Variants in CAMTA1 observed in about 807,000 individuals in gnomAD.
CAMTA1 encodes the protein calmodulin-binding transcription activator 1.
A neutral mutation model predicts 170.9 loss-of-function variants in CAMTA1; 27 were observed. That is an observed-to-expected ratio of 0.16 (90% CI 0.12 to 0.22). The LOEUF is 0.22. CAMTA1 is among the 10% of genes least tolerant of loss of function. The probability of loss-of-function intolerance (pLI) is 1.00; values close to 1 mark genes in which losing one functional copy is unlikely to be tolerated. For synonymous variants in CAMTA1, 833 were observed against 891.5 expected (o/e 0.93, Z 1.17); for missense variants, 1,619 against 2,217.2 (o/e 0.73, Z 5.42).
chr1:7,448,688 G>A (rs1412423461), intron 5 of CAMTA1, among the ~76,000 whole-genome samples: 1 of 152,198 alleles, frequency 6.6e-6, no homozygotes, highest in Non-Finnish European at 1.5e-5. Context: ...CCTTCTTGCT[G>A]CGTCCTTACG....
intron 3 of CAMTA1, among the ~76,000 whole-genome samples, chr1:6,938,055 C>T (rs925157630): frequency 3.3e-5 from 5 of 152,214 alleles, no homozygotes; most frequent in East Asian, 1.9e-4. Context: ...CGGTAAGTAA[C>T]AGAACTAGGA....
chr1:7,718,704 C>T (rs2096629693), intron 11 of CAMTA1, among the ~76,000 whole-genome samples: 3 of 151,748 alleles, frequency 2.0e-5, no homozygotes, highest in Admixed American at 2.0e-4. Context: ...AATACGGGCA[C>T]ATGCTACCAT....
intron 11 of CAMTA1, among the ~76,000 whole-genome samples, chr1:7,720,020 A>G (rs1577170648): frequency 1.3e-5 from 2 of 152,350 alleles, no homozygotes; most frequent in South Asian, 4.1e-4. Context: ...TCATTCACTT[A>G]CCTGCCAAGG....
chr1:7,373,622 C>T (rs1330210658), intron 5 of CAMTA1, among the ~76,000 whole-genome samples: 2 of 152,230 alleles, frequency 1.3e-5, no homozygotes, highest in African/African-American at 2.4e-5. Flanking sequence ...CACCTGCTTC[C>T]AGACAACTTT....
At chr1:7,495,101 T>G (rs1369540460) in intron 6 of CAMTA1, among the ~76,000 whole-genome samples, 1 of 151,004 alleles carries the variant, frequency 6.6e-6, no homozygotes, top group Non-Finnish European at 1.5e-5. Flanking sequence ...CCTCTCAAAC[T>G]CAGGCTCTTG....
At chr1:7,648,911 G>A (rs778506254) in intron 7 of CAMTA1, among the ~76,000 whole-genome samples, 7 of 152,216 alleles carry the variant, frequency 4.6e-5, no homozygotes, top group Non-Finnish European at 2.9e-5. Context: ...AGCCTCTGGC[G>A]AGAGGCCAGC....
At chr1:7,558,982 C>T (rs931738835) in intron 6 of CAMTA1, among the ~76,000 whole-genome samples, 1 of 152,216 alleles carries the variant, frequency 6.6e-6, no homozygotes, top group Non-Finnish European at 1.5e-5. Flanking sequence ...CCCCGTCCCC[C>T]CTGCCTGAAG....
intron 4 of CAMTA1, among the ~76,000 whole-genome samples, chr1:7,187,864 T>C (rs1653711453): frequency 6.6e-6 from 1 of 152,188 alleles, no homozygotes; most frequent in Non-Finnish European, 1.5e-5. Context: ...TGGAGACAGC[T>C]CTTTTGATGC....
chr1:7,655,287 CACACACACCTATACACACACACCGTTAT>C (rs1172917396), intron 7 of CAMTA1, among the ~76,000 whole-genome samples: 79 of 145,994 alleles, frequency 5.4e-4, no homozygotes, highest in Middle Eastern at 3.9e-3. Flanking sequence ...CCGTTATACA[CACACACACCTATACACACACACCGTTAT>C]ACACACCTAT....
In CAMTA1 at chr1:7,680,872, A is replaced by AGCAGCTGCAGCAGCAGCTGCT. The variant is rs1553247155; in HGVS notation, c.2914+3144_2914+3145insTGCAGCAGCAGCTGCTGCAGC. 6.8e-6 allele frequency among the ~76,000 whole-genome samples: 1 copy of AGCAGCTGCAGCAGCAGCTGCT among 146,262 alleles called. No homozygotes were observed. The highest frequency in any genetic ancestry group is 1.5e-5 in the Non-Finnish European group (1 of 65,774). On this transcript the variant is annotated intron_variant, in intron 11 of 22. Transcript: ENST00000303635. The surrounding 1 kb of genome is among the most constrained non-coding windows in gnomAD (Gnocchi z 4.4). ...CGCGCGCGCGCGCGCCAGCAGCAGC[A>AGCAGCTGCAGCAGCAGCTGCT]GCAGCAGCAGCTGCTGCGGCGAAGT...
chr1:7,712,895 A>G (rs1223946233), intron 11 of CAMTA1, among the ~76,000 whole-genome samples: 4 of 152,192 alleles, frequency 2.6e-5, no homozygotes, highest in Admixed American at 6.5e-5. Flanking sequence ...ATTGCCCTTT[A>G]TAAAACCATC....
rs559963536 is a variant in CAMTA1 at position 6,895,378 on chromosome 1, C to T, written c.234+70168C>T. The stretch of plus-strand genomic sequence containing the variant: ...TCTTTGCACATCTCTGCTAGTACCA[C>T]CCTAGTCCAAGCCACCTTCTTTTCT... On this transcript the variant is annotated intron_variant, in intron 3 of 22. Coordinates refer to ENST00000303635, the MANE Select transcript of CAMTA1 (RefSeq NM_015215.4). Among the ~76,000 whole-genome samples the T allele has an allele frequency of 3.3e-5, 5 of 152,324 alleles. No homozygotes were observed. The South Asian group carries it at 1.0e-3, about 32-fold the overall frequency.
At chr1:7,257,072 A>G (rs1189718726) in intron 5 of CAMTA1, among the ~76,000 whole-genome samples, 2 of 84,150 alleles carry the variant, frequency 2.4e-5, no homozygotes, top group Non-Finnish European at 5.6e-5. Context: ...ATACCATCGC[A>G]TGGCGGGGGC....
intron 3 of CAMTA1, among the ~76,000 whole-genome samples, chr1:7,034,409 C>T (rs1223482957): frequency 1.3e-5 from 2 of 152,318 alleles, no homozygotes; most frequent in East Asian, 3.9e-4. Flanking sequence ...CCGCCTCGGC[C>T]TCCCAAAGTG....
In CAMTA1 at chr1:7,064,978, G is replaced by T. The variant is rs1327800615; in HGVS notation, c.235-26326G>T. On this transcript the variant is annotated intron_variant, in intron 3 of 22. Transcript: ENST00000303635. The surrounding 1 kb of genome is among the most constrained non-coding windows in gnomAD (Gnocchi z 5.4). ...AACCAACAGAGTTTGTAGGTTTTCAGCTTCAGTACCTAGGTCACCAGCAGT... is the reference window on the plus strand; with the variant it reads ...AACCAACAGAGTTTGTAGGTTTTCATCTTCAGTACCTAGGTCACCAGCAGT... 6.6e-6 allele frequency among the ~76,000 whole-genome samples: 1 copy of T among 152,176 alleles called. No individual in the cohort carries two copies.
intron 3 of CAMTA1, among the ~76,000 whole-genome samples, chr1:6,872,693 A>G (rs1668736389): frequency 6.6e-6 from 1 of 152,238 alleles, no homozygotes; most frequent in Non-Finnish European, 1.5e-5. Flanking sequence ...ATCTAAAGCA[A>G]AACAAACCAA....
intron 5 of CAMTA1, among the ~76,000 whole-genome samples, chr1:7,294,561 T>C (rs1673646149): frequency 6.6e-6 from 1 of 152,188 alleles, no homozygotes; most frequent in Non-Finnish European, 1.5e-5. Flanking sequence ...TTCAGCCCTA[T>C]TCACCCAAAA....
chr1:7,594,852 C>T (rs1052050715), intron 6 of CAMTA1, among the ~76,000 whole-genome samples: 2 of 152,166 alleles, frequency 1.3e-5, no homozygotes, highest in African/African-American at 4.8e-5. Context: ...GAGCTCCCCT[C>T]GGGTCATATT....
chr1:7,023,807 C>T (rs548505258), intron 3 of CAMTA1, among the ~76,000 whole-genome samples: 1 of 152,130 alleles, frequency 6.6e-6, no homozygotes, highest in East Asian at 1.9e-4. Flanking sequence ...GTGGGCAGAT[C>T]ACTTGAGGTC....
Sources: allele counts gnomAD v4.1 joint callset (sites outside exome capture counted in the v4.1 genomes callset), GRCh38; gene constraint gnomAD v4.1.1; non-coding constraint Gnocchi (gnomAD v3.1); transcripts MANE v1.5; gene names NCBI Gene and HGNC (gene_info 2026-07-23, HGNC 2026-07-21).